The following SORBS3 variants were observed in gnomAD, a reference collection of about 807,000 sequenced individuals.
SORBS3 encodes sorbin and SH3 domain containing 3, also known as vinexin.
Under a neutral mutation model 98.0 loss-of-function variants are expected in SORBS3, and 69 were observed. The observed-to-expected ratio is 0.70, with a 90% CI of 0.58 to 0.86. The LOEUF is 0.86. Among genes scored for constraint, SORBS3 ranks in the 40% least tolerant of loss-of-function variants. The pLI is 0.00. For synonymous variants in SORBS3, 394 were observed against 355.4 expected (o/e 1.11, Z -1.22); for missense variants, 954 against 908.5 (o/e 1.05, Z -0.64).
At position 22,554,475 on chromosome 8, in the gene SORBS3, C is replaced by T; in HGVS notation, c.-32C>T. 6.2e-7 allele frequency: 1 copy of T among 1,600,120 alleles called. No individual in the cohort carries two copies. Among genetic ancestry groups the T allele is most frequent in the Non-Finnish European group, 8.5e-7 (1 of 1,176,186 alleles). ...AGAGGACACGCAGAGGAGCAGCTGG[C>T]TTGCCCGGAGTCCTCCCACCTTGAC... On this transcript the variant is annotated 5_prime_UTR_variant, in exon 2 of 21. Coordinates refer to ENST00000240123, the MANE Select transcript of SORBS3 (RefSeq NM_005775.5). The surrounding 1 kb of genome is among the most constrained non-coding windows in gnomAD (Gnocchi z 6.5).
chr8:22,560,883 A>G lies in SORBS3; in HGVS notation c.479-452A>G, dbSNP rs796606967. On this transcript the variant is annotated intron_variant, in intron 5 of 20. Coordinates refer to ENST00000240123, the MANE Select transcript of SORBS3 (RefSeq NM_005775.5). ...TGTGTGTGTGTGTGTGCGCGCGCGC[A>G]CGCGCCGTGGGGAGCAGTGGGTCAG... The G allele has an allele frequency of 2.3e-3, 324 of 140,294 alleles. 2 individuals carry two copies. The highest frequency in any genetic ancestry group is 8.3e-3 in the African/African-American group (300 of 36,182). 8.7% of individuals were successfully genotyped at this position (140,294 alleles called of 1,614,324 possible). A position where few individuals can be genotyped will look rare whatever the true frequency, so the allele number is the denominator to read the frequency against.
upstream of SORBS3, among the ~76,000 whole-genome samples, chr8:22,547,108 T>C (rs1169102512): frequency 1.3e-5 from 2 of 152,174 alleles, no homozygotes; most frequent in Non-Finnish European, 2.9e-5. Flanking sequence ...AGCATTGGGT[T>C]CTTTGTTATC....
chr8:22,561,751 C>T, intron 6 of SORBS3, 114 bp from the exon 7 acceptor site: 1 of 950,462 alleles, frequency 1.1e-6, no homozygotes, highest in Non-Finnish European at 1.7e-6. Context: ...CACCATCCAC[C>T]CAGGAGCAAG....
At chr8:22,570,660 G>A (rs1021566537) in intron 17 of SORBS3, among the ~76,000 whole-genome samples, 1 of 152,152 alleles carries the variant, frequency 6.6e-6, no homozygotes, top group Non-Finnish European at 1.5e-5. Context: ...TATGAACGCC[G>A]AAGGGGGATG....
chr8:22,572,387 A>T lies in SORBS3; in HGVS notation c.1895A>T (p.Glu632Val). Residue 632 changes from glutamate (E) to valine (V), a missense_variant, in exon 20 of 21, where the codon GAG becomes GTG. Physicochemically the swap from Glu to Val is moderately radical, Grantham distance 121. Coordinates refer to ENST00000240123, the MANE Select transcript of SORBS3 (RefSeq NM_005775.5). ...QYRPQNEDEL[E>V]LREGDRVDVM... Reference sequence around the variant, plus strand: ...AGGCCCCAGAACGAAGACGAGCTGGAGCTGCGCGAGGGGGACAGGGTGGAT... The same window carrying T: ...AGGCCCCAGAACGAAGACGAGCTGGTGCTGCGCGAGGGGGACAGGGTGGAT... The T allele has an allele frequency of 6.2e-7, 1 of 1,614,038 alleles. No homozygotes were observed. The highest frequency in any genetic ancestry group is 8.5e-7 in the Non-Finnish European group (1 of 1,179,984).
At position 22,564,346 on chromosome 8, in the gene SORBS3, C is replaced by A. The variant is rs1840359311; in HGVS notation, c.739C>A (p.Gln247Lys). The A allele has an allele frequency of 6.2e-7, 1 of 1,613,884 alleles. No homozygotes were observed. Among genetic ancestry groups the A allele is most frequent in the African/African-American group, 1.3e-5 (1 of 74,936 alleles). The change falls in exon 9 of 21, where the codon CAG becomes AAG. Residue 247 changes from glutamine to lysine, a missense_variant. Transcript: ENST00000240123. ...WTEESWNQFLQELETGQRPKK... is the reference protein window; with the variant it reads ...WTEESWNQFLKELETGQRPKK... ...GGAAGAGTCCTGGAACCAGTTTCTGCAGGAACTAGAGACTGGGCAGAGGGT... is the reference window on the plus strand; with the variant it reads ...GGAAGAGTCCTGGAACCAGTTTCTGAAGGAACTAGAGACTGGGCAGAGGGT...
At chr8:22,555,334 A>G (rs1840164430) in intron 3 of SORBS3, among the ~76,000 whole-genome samples, 1 of 152,042 alleles carries the variant, frequency 6.6e-6, no homozygotes, top group Non-Finnish European at 1.5e-5. Flanking sequence ...AGGGGTGGAG[A>G]CTGTCCCATT....
intron 4 of SORBS3, 109 bp from the exon 5 acceptor site, chr8:22,558,020 G>A: frequency 1.0e-6 from 1 of 980,358 alleles, no homozygotes; most frequent in Non-Finnish European, 1.7e-6. Context: ...CCACCTATGG[G>A]GGGTTCAGGG....
chr8:22,566,200 C>T (rs1840414247), intron 12 of SORBS3, 145 bp from the exon 13 acceptor site: 1 of 1,072,772 alleles, frequency 9.3e-7, no homozygotes, highest in Non-Finnish European at 1.3e-6. Flanking sequence ...GGAAGTAGGA[C>T]ATCCTGTGGA....
Position 22,571,184 on chromosome 8 carries a change from TCTC to T in SORBS3, c.1709_1711del (p.Ser570del). ...CAGACCTCCCCCCGTCGCACTGGCT[TCTC>T]CTTCCCCACCCAGGAGCCTAGACCC... On this transcript the variant is annotated inframe_deletion, in exon 18 of 21. Coordinates refer to ENST00000240123, the MANE Select transcript of SORBS3 (RefSeq NM_005775.5). 1.3e-6 allele frequency: 2 copies of T among 1,572,932 alleles called. No individual in the cohort carries two copies. Among genetic ancestry groups the T allele is most frequent in the East Asian group, 2.3e-5 (1 of 44,278 alleles).
rs111727569 is a variant in SORBS3, at chr8:22,571,185, C to G, written c.1707C>G (p.Phe569Leu). The change falls in exon 18 of 21, where the codon TTC (phenylalanine) becomes TTG (leucine). Residue 569 changes from phenylalanine to leucine, a missense_variant. Coordinates refer to ENST00000240123, the MANE Select transcript of SORBS3 (RefSeq NM_005775.5). ...AGACCTCCCCCCGTCGCACTGGCTT[C>G]TCCTTCCCCACCCAGGAGCCTAGAC... The part of the protein sequence containing the change: ...GGQTSPRRTG[F>L]SFPTQEPRPQ... 1.3e-6 allele frequency: 2 copies of G among 1,572,822 alleles called. No individual in the cohort carries two copies. Among genetic ancestry groups the G allele is most frequent in the Admixed American group, 3.4e-5 (2 of 58,486 alleles).
At chr8:22,552,651 G>A (rs1490695533) in intron 1 of SORBS3, among the ~76,000 whole-genome samples, 1 of 152,172 alleles carries the variant, frequency 6.6e-6, no homozygotes, top group African/African-American at 2.4e-5. Context: ...CACCGAGCAC[G>A]AGGTGGGCGG....
In SORBS3 at chr8:22,561,319, C is replaced by G. The variant is rs1293771855; in HGVS notation, c.479-16C>G. On this transcript the variant is annotated splice_polypyrimidine_tract_variant and intron_variant, in intron 5 of 20. Coordinates refer to ENST00000240123, the MANE Select transcript of SORBS3 (RefSeq NM_005775.5). The stretch of plus-strand genomic sequence containing the variant: ...TTCTGCCCCGTCCCATGACCTGGTC[C>G]CTTCTGCTCCTGCAGACTTGCAGCT... 6.3e-7 allele frequency: 1 copy of G among 1,587,494 alleles called. No individual in the cohort carries two copies. Among genetic ancestry groups the G allele is most frequent in the Non-Finnish European group, 8.6e-7 (1 of 1,164,426 alleles).
At chr8:22,547,188 G>T (rs1344036766), upstream of SORBS3, among the ~76,000 whole-genome samples, 3 of 152,108 alleles carry the variant, frequency 2.0e-5, no homozygotes, top group South Asian at 6.2e-4. Context: ...GGTAAGATTT[G>T]CCCATATTTC....
chr8:22,558,051 C>T, intron 4 of SORBS3, 78 bp from the exon 5 acceptor site: 1 of 1,439,844 alleles, frequency 6.9e-7, no homozygotes, highest in Non-Finnish European at 9.8e-7. Context: ...AAGGGACTCA[C>T]TAGGGAAAGA....
At chr8:22,569,504 T>C (rs1456450140) in intron 17 of SORBS3, among the ~76,000 whole-genome samples, 1 of 152,098 alleles carries the variant, frequency 6.6e-6, no homozygotes, top group Non-Finnish European at 1.5e-5. Context: ...AACACCCAGC[T>C]AATTTTTGTA....
intron 11 of SORBS3, 62 bp from the exon 12 acceptor site, chr8:22,565,764 C>A: frequency 7.7e-7 from 1 of 1,292,792 alleles, no homozygotes; most frequent in Non-Finnish European, 9.8e-7. Context: ...CCGGAGGCGG[C>A]GGCCTCGGCT....
At position 22,554,354 on chromosome 8, in the gene SORBS3, C is replaced by A; in HGVS notation, c.-55-98C>A. 7.7e-7 allele frequency: 1 copy of A among 1,297,868 alleles called. No individual in the cohort carries two copies. The allele number at this position is 1,297,868 out of a possible 1,614,324, so 80.4% of individuals were successfully genotyped here. A position where few individuals can be genotyped will look rare whatever the true frequency, so the allele number is the denominator to read the frequency against. On this transcript the variant is annotated intron_variant, in intron 1 of 20. Transcript: ENST00000240123. This position sits in a 1 kb window ranked among gnomAD's most constrained non-coding sequence, Gnocchi z 6.5. ...GTACCCAGCTGGTCCTGACCCCCTC[C>A]CACAGCCGGCCCCTCCTCCCCTATC...
chr8:22,545,419 A>T (rs938685685), intron 1 of SORBS3: 3 of 152,280 alleles, frequency 2.0e-5, no homozygotes, highest in Admixed American at 6.5e-5. Flanking sequence ...GGGGTTTGGG[A>T]CCTGACCTGC....
Sources: allele counts gnomAD v4.1 joint callset (sites outside exome capture counted in the v4.1 genomes callset), GRCh38; gene constraint gnomAD v4.1.1; non-coding constraint Gnocchi (gnomAD v3.1); transcripts MANE v1.5; gene names NCBI Gene and HGNC (gene_info 2026-07-23, HGNC 2026-07-21).